The following DACH2 variants were observed in gnomAD, a reference collection of about 807,000 sequenced individuals.
The protein encoded by DACH2 is dachshund family transcription factor 2.
Under a neutral mutation model 35.8 loss-of-function variants are expected in DACH2, and 17 were observed. That is an observed-to-expected ratio of 0.48 (90% CI 0.33 to 0.71). DACH2 has a LOEUF of 0.71. DACH2 is among the 30% of genes least tolerant of loss of function. The pLI is 0.02. For missense variants in DACH2, 469 were observed against 472.7 expected (o/e 0.99, Z 0.07); for synonymous variants, 195 against 177.3 (o/e 1.10, Z -0.79).
intron 3 of DACH2, among the ~76,000 whole-genome samples, chrX:86,621,290 G>A: frequency 9.0e-6 from 1 of 111,634 alleles, no homozygotes; most frequent in African/African-American, 3.2e-5. Context: ...CAGTGAGACA[G>A]TTATTAGGAT....
intron 1 of DACH2, among the ~76,000 whole-genome samples, chrX:86,227,193 C>T (rs748080268): frequency 2.7e-5 from 3 of 111,344 alleles, no homozygotes; most frequent in Non-Finnish European, 3.8e-5. Flanking sequence ...TAATATGAAA[C>T]GGGTTTTATG....
intron 1 of DACH2, among the ~76,000 whole-genome samples, chrX:86,210,019 C>T (rs1357779049): frequency 1.8e-5 from 2 of 111,111 alleles, no homozygotes; most frequent in Admixed American, 9.6e-5. Flanking sequence ...ATTATGATGG[C>T]GTAACGAAAT....
At chrX:86,512,214 G>T (rs1569424975) in intron 2 of DACH2, among the ~76,000 whole-genome samples, 1 of 110,576 alleles carries the variant, frequency 9.0e-6, no homozygotes, top group African/African-American at 3.3e-5. Flanking sequence ...TGAGATGAAA[G>T]TTAGGATGGA....
At chrX:86,807,490 G>A (rs755513650) in intron 7 of DACH2, among the ~76,000 whole-genome samples, 1 of 111,525 alleles carries the variant, frequency 9.0e-6, no homozygotes, top group Admixed American at 9.6e-5. Flanking sequence ...CAAGCAATCA[G>A]GCTCCAGTGT....
At chrX:86,619,466 T>C (rs1203739191) in intron 3 of DACH2, among the ~76,000 whole-genome samples, 1 of 112,087 alleles carries the variant, frequency 8.9e-6, no homozygotes, top group Non-Finnish European at 1.9e-5. Flanking sequence ...ATAGCAGAAA[T>C]GATTTTAATG....
intron 1 of DACH2, among the ~76,000 whole-genome samples, chrX:86,335,040 A>T (rs61386814): frequency 9.0e-6 from 1 of 111,337 alleles, no homozygotes. Flanking sequence ...GCTTGTTTTG[A>T]TCAGGTTTGT....
chrX:86,325,744 GTGT>G (rs2035101986), intron 1 of DACH2, among the ~76,000 whole-genome samples: 1 of 111,602 alleles, frequency 9.0e-6, no homozygotes, highest in Admixed American at 9.5e-5. Context: ...TTATTGTGGA[GTGT>G]TGTTATATTT....
At chrX:86,268,694 C>T (rs778489033) in intron 1 of DACH2, among the ~76,000 whole-genome samples, 1 of 109,073 alleles carries the variant, frequency 9.2e-6, no homozygotes, top group East Asian at 2.9e-4. Flanking sequence ...CCACCACGCC[C>T]AGCTAATTTT....
chrX:86,402,091 A>T (rs1009764407), intron 2 of DACH2, among the ~76,000 whole-genome samples: 1 of 112,129 alleles, frequency 8.9e-6, no homozygotes, highest in Non-Finnish European at 1.9e-5. Flanking sequence ...CTGAATAAGG[A>T]AAAGCTGTAA....
intron 3 of DACH2, among the ~76,000 whole-genome samples, chrX:86,609,638 G>A (rs1033223492): frequency 3.6e-5 from 4 of 111,572 alleles, no homozygotes; most frequent in Non-Finnish European, 7.5e-5. Context: ...AAAGGACTTG[G>A]GCTTTGTGAT....
chrX:86,756,163 A>G (rs753740567), intron 7 of DACH2, among the ~76,000 whole-genome samples: 15 of 111,310 alleles, frequency 1.3e-4, no homozygotes, highest in African/African-American at 4.9e-4. Context: ...TTTTGAAGTC[A>G]GATAGTGTGG....
chrX:86,212,208 A>G (rs1436171685), intron 1 of DACH2, among the ~76,000 whole-genome samples: 1 of 111,851 alleles, frequency 8.9e-6, no homozygotes, highest in African/African-American at 3.2e-5. Flanking sequence ...AGTTTTTGTG[A>G]GGATTGCAGT....
At chrX:86,428,502 A>G (rs1314910886) in intron 2 of DACH2, among the ~76,000 whole-genome samples, 1 of 112,017 alleles carries the variant, frequency 8.9e-6, no homozygotes, top group African/African-American at 3.2e-5. Context: ...ACTAATTACT[A>G]TTATGATGTT....
intron 4 of DACH2, among the ~76,000 whole-genome samples, chrX:86,658,376 TAG>T (rs1318750747): frequency 9.0e-6 from 1 of 111,461 alleles, no homozygotes; most frequent in East Asian, 2.8e-4. Context: ...AGTATGAAAA[TAG>T]AGTCAGTATC....
intron 2 of DACH2, among the ~76,000 whole-genome samples, chrX:86,462,140 T>C (rs945693407): frequency 9.0e-6 from 1 of 111,101 alleles, no homozygotes; most frequent in African/African-American, 3.3e-5. Context: ...ACCTTAATGA[T>C]AAAAAACATG....
At chrX:86,830,560 G>A (rs1265386114) in intron 11 of DACH2, 1 of 111,426 alleles carries the variant, frequency 9.0e-6, no homozygotes. Flanking sequence ...CTAAATAAAG[G>A]CAAGAAATAA....
Position 86,708,113 on chromosome X carries a change from A to G in DACH2, c.932-6435A>G, listed in dbSNP as rs142042916. Among the ~76,000 whole-genome samples the G allele has an allele frequency of 8.0e-3, 871 of 108,839 alleles. 11 individuals carry two copies. Among genetic ancestry groups the G allele is most frequent in the African/African-American group, 0.028 (833 of 29,787 alleles). The allele number at this position is 108,839 out of a possible 115,157, so 94.5% of individuals were successfully genotyped here. A position where few individuals can be genotyped will look rare whatever the true frequency, so the allele number is the denominator to read the frequency against. On this transcript the variant is annotated intron_variant, in intron 5 of 11. Transcript: ENST00000373125. Reference sequence around the variant, plus strand: ...CCCATTCATAATAAAAACTCTTAGAAAAAAATAGGAAAAGAGGGGGACTGC... The same window carrying G: ...CCCATTCATAATAAAAACTCTTAGAGAAAAATAGGAAAAGAGGGGGACTGC...
chrX:86,367,904 A>G (rs2035829260), intron 1 of DACH2, among the ~76,000 whole-genome samples: 2 of 111,440 alleles, frequency 1.8e-5, no homozygotes, highest in Non-Finnish European at 3.8e-5. Flanking sequence ...TTTCTGTTGC[A>G]CACGTCCTTT....
At chrX:86,346,144 C>T (rs909936762) in intron 1 of DACH2, among the ~76,000 whole-genome samples, 3 of 111,047 alleles carry the variant, frequency 2.7e-5, no homozygotes, top group Non-Finnish European at 5.7e-5. Flanking sequence ...CCAAAATTGC[C>T]GTGATGGTAA....
Sources: allele counts gnomAD v4.1 joint callset (sites outside exome capture counted in the v4.1 genomes callset), GRCh38; gene constraint gnomAD v4.1.1; transcripts MANE v1.5; gene names NCBI Gene and HGNC (gene_info 2026-07-23, HGNC 2026-07-21).